The following ITSN2 variants were observed in gnomAD, a reference collection of about 807,000 sequenced individuals.
The protein encoded by ITSN2 is intersectin 2.
Under a neutral mutation model 243.7 loss-of-function variants are expected in ITSN2, and 156 were observed. That is an observed-to-expected ratio of 0.64 (90% CI 0.56 to 0.73). ITSN2 has a LOEUF of 0.73. Ranked by LOEUF, ITSN2 falls within the 30% of genes least tolerant of loss-of-function variation. ITSN2 has a pLI of 0.00. For synonymous variants in ITSN2, 703 were observed against 699.9 expected, an observed-to-expected ratio of 1.00 and a Z score of -0.07; for missense variants, 1,801 against 1,996.1, an observed-to-expected ratio of 0.90 and a Z score of 1.86.
chr2:24,310,310 C>T lies in ITSN2; in HGVS notation c.627G>A (p.Gln209=), dbSNP rs764954520. 3 of 1,613,414 alleles carry T rather than the reference C, an allele frequency of 1.9e-6. No individual in the cohort carries two copies. The highest frequency in any genetic ancestry group is 2.5e-6 in the Non-Finnish European group (3 of 1,179,664). ...GFGGASIQKA[Q]SLIDLGSSSS... The stretch of plus-strand genomic sequence containing the variant: ...TACTAGATCCTAAATCAATCAGAGA[C>T]TGCGCTTTCTGTATACTAGCACCTC... The change falls in exon 7 of 40, where the codon CAG becomes CAA. Residue 209 remains glutamine (Q), a synonymous_variant. Coordinates refer to ENST00000355123, the MANE Select transcript of ITSN2 (RefSeq NM_006277.3).
rs1052610632 is a variant in ITSN2 at position 24,303,980 on chromosome 2, T to C, written c.794-118A>G. The C allele has an allele frequency of 4.0e-6, 3 of 740,996 alleles. No individual in the cohort carries two copies. In the African/African-American group the frequency reaches 5.3e-5, roughly 13 times the overall value. The allele number at this position is 740,996 out of a possible 1,614,324, so 45.9% of individuals were successfully genotyped here. ...CAGGGTATCCTGGGAACTTTTAACA[T>C]CAAAATGTTTTTACCACGTGCTAGG... On this transcript the variant is annotated intron_variant, in intron 8 of 39. Transcript: ENST00000355123.
intron 20 of ITSN2, among the ~76,000 whole-genome samples, chr2:24,265,575 C>CT (rs1676566121): frequency 1.3e-5 from 2 of 152,114 alleles, no homozygotes; most frequent in African/African-American, 4.8e-5. Flanking sequence ...ATCTTGATGC[C>CT]TTTTACTCTA....
chr2:24,278,150 C>A (rs2151500052), intron 17 of ITSN2, among the ~76,000 whole-genome samples: 1 of 152,318 alleles, frequency 6.6e-6, no homozygotes. Context: ...AATGTCTGAT[C>A]TCAACAAGGC....
intron 25 of ITSN2, among the ~76,000 whole-genome samples, chr2:24,251,921 A>G (rs937640571): frequency 1.3e-5 from 2 of 152,204 alleles, no homozygotes; most frequent in Admixed American, 1.3e-4. Flanking sequence ...GAACTTCTGC[A>G]CTATACCATA....
Position 24,308,649 on chromosome 2 carries a change from G to A in ITSN2, c.761C>T (p.Thr254Ile), listed in dbSNP as rs752056227. 8 of 1,531,852 alleles carry A rather than the reference G, an allele frequency of 5.2e-6. No individual in the cohort carries two copies. Among genetic ancestry groups the A allele is most frequent in the African/African-American group, 2.8e-5 (2 of 72,280 alleles). 94.9% of individuals were successfully genotyped at this position (1,531,852 alleles called of 1,614,324 possible). A position where few individuals can be genotyped will look rare whatever the true frequency, so the allele number is the denominator to read the frequency against. ...TRLKYRQKFNTLDKSMSGYLS... is the reference protein window; with the variant it reads ...TRLKYRQKFNILDKSMSGYLS... ...ATATCCACTCATACTTTTGTCAAGAGTATTAAATTTTTGCCGATATTTTAA... is the reference window on the plus strand; with the variant it reads ...ATATCCACTCATACTTTTGTCAAGAATATTAAATTTTTGCCGATATTTTAA... Residue 254 changes from threonine to isoleucine, a missense_variant, in exon 8 of 40, where the codon ACT becomes ATT. Physicochemically the swap from Thr to Ile is moderately conservative, Grantham distance 89 (BLOSUM62 -1). Around this residue, in one of 5 missense-constraint regions of ITSN2, gnomAD observed 787 missense variants for 803.9 expected, o/e 0.98. Transcript: ENST00000355123.
intron 18 of ITSN2, among the ~76,000 whole-genome samples, chr2:24,274,117 CTG>C (rs1215266884): frequency 6.6e-6 from 1 of 152,176 alleles, no homozygotes; most frequent in East Asian, 1.9e-4. Flanking sequence ...ATAGAAAGTT[CTG>C]ACATAAGGAT....
intron 37 of ITSN2, among the ~76,000 whole-genome samples, chr2:24,206,475 C>T (rs1258319438): frequency 2.0e-5 from 3 of 150,892 alleles, no homozygotes; most frequent in Admixed American, 2.0e-4. Context: ...GCTGGCCTGG[C>T]ACAGCTGGAG....
chr2:24,271,411 T>C (rs960354378), intron 19 of ITSN2, among the ~76,000 whole-genome samples: 2 of 152,196 alleles, frequency 1.3e-5, no homozygotes, highest in Non-Finnish European at 2.9e-5. Context: ...GGAAATGGAC[T>C]GAGGTGTATC....
chr2:24,210,114 G>C, intron 34 of ITSN2, 81 bp from the exon 35 acceptor site: 1 of 990,864 alleles, frequency 1.0e-6, no homozygotes, highest in Non-Finnish European at 1.6e-6. Flanking sequence ...CCCTGGGCCT[G>C]AGGATACTGT....
At position 24,258,022 on chromosome 2, in the gene ITSN2, G is replaced by A; in HGVS notation, c.2754C>T (p.Asn918=). 2.5e-6 allele frequency: 4 copies of A among 1,614,056 alleles called. No homozygotes were observed. Among genetic ancestry groups the A allele is most frequent in the Non-Finnish European group, 3.4e-6 (4 of 1,179,934 alleles). Residue 918 remains asparagine (N), a synonymous_variant, in exon 23 of 40, where the codon AAC becomes AAT. Transcript: ENST00000355123. ...CAGTAATAATGTCATGTTTTGAGAA[G>A]TTCAAGTGGTTATCTTTCTTTGCAG... ...SWTAKKDNHL[N]FSKHDIITVL...
chr2:24,227,700 C>T (rs1485517120), intron 29 of ITSN2, among the ~76,000 whole-genome samples: 1 of 152,000 alleles, frequency 6.6e-6, no homozygotes, highest in Non-Finnish European at 1.5e-5. Flanking sequence ...GCGGGTGGAT[C>T]ACCTGAGGTC....
intron 10 of ITSN2, among the ~76,000 whole-genome samples, chr2:24,301,659 A>G (rs192214171): frequency 1.3e-5 from 2 of 151,682 alleles, no homozygotes; most frequent in African/African-American, 4.8e-5. Context: ...CAGAGTACCT[A>G]GGACTACAGG....
intron 29 of ITSN2, among the ~76,000 whole-genome samples, chr2:24,236,000 T>C (rs1445353325): frequency 1.3e-5 from 2 of 152,232 alleles, no homozygotes; most frequent in East Asian, 1.9e-4. Flanking sequence ...CTCCTAGATA[T>C]ATATCCAAAA....
At chr2:24,349,778 C>T (rs1471007530) in intron 1 of ITSN2, among the ~76,000 whole-genome samples, 6 of 152,158 alleles carry the variant, frequency 3.9e-5, no homozygotes, top group Non-Finnish European at 8.8e-5. Context: ...GCAAAAATAA[C>T]TCCCTAAGGA....
At chr2:24,302,597 AATGTAAGT>A (rs1246194297) in intron 9 of ITSN2, among the ~76,000 whole-genome samples, 1 of 152,196 alleles carries the variant, frequency 6.6e-6, no homozygotes. Flanking sequence ...CTCACTATTG[AATGTAAGT>A]ATGTAAGTAT....
In ITSN2 at chr2:24,216,222, C is replaced by T. The variant is rs751456833; in HGVS notation, c.3817G>A (p.Val1273Met). ...TTCTCGCCCCCGGTCTTCTTCCGCA[C>T]CCGCAAAGCCCTGCCAAGAACACAC... ...SNTKLLKALRVRKKTGGEKMP... is the reference protein window; with the variant it reads ...SNTKLLKALRMRKKTGGEKMP... The change falls in exon 32 of 40, where the codon GTG becomes ATG. Residue 1273 changes from valine (V) to methionine (M), a missense_variant. Transcript: ENST00000355123. The T allele has an allele frequency of 1.9e-6, 3 of 1,598,256 alleles. No homozygotes were observed. Among genetic ancestry groups the T allele is most frequent in the South Asian group, 1.1e-5 (1 of 88,670 alleles).
Position 24,316,587 on chromosome 2 carries a change from T to A in ITSN2, c.32-1363A>T, listed in dbSNP as rs543531834. 1.5e-3 allele frequency among the ~76,000 whole-genome samples: 226 copies of A among 152,324 alleles called. 1 individual carries two copies. The highest frequency in any genetic ancestry group is 5.1e-3 in the African/African-American group (213 of 41,580). ...TAAGCCACCACGCCCAGACAGTTTTTAAATAAGCTTTTAATTTGGAATAAT... is the reference window on the plus strand; with the variant it reads ...TAAGCCACCACGCCCAGACAGTTTTAAAATAAGCTTTTAATTTGGAATAAT... On this transcript the variant is annotated intron_variant, in intron 2 of 39. Coordinates refer to ENST00000355123, the MANE Select transcript of ITSN2 (RefSeq NM_006277.3).
At chr2:24,327,270 A>G (rs1421283709) in intron 2 of ITSN2, among the ~76,000 whole-genome samples, 3 of 151,988 alleles carry the variant, frequency 2.0e-5, no homozygotes, top group African/African-American at 4.8e-5. Context: ...TTCATTATTC[A>G]AATTACCTAA....
chr2:24,219,061 A>G (rs541551941), intron 30 of ITSN2, among the ~76,000 whole-genome samples: 29 of 152,042 alleles, frequency 1.9e-4, no homozygotes, highest in African/African-American at 7.0e-4. Flanking sequence ...TAGGCCCCTG[A>G]CTCCCTCCAT....
Sources: allele counts gnomAD v4.1 joint callset (sites outside exome capture counted in the v4.1 genomes callset), GRCh38; gene constraint gnomAD v4.1.1; regional missense constraint gnomAD v4.1.1; transcripts MANE v1.5; gene names NCBI Gene and HGNC (gene_info 2026-07-23, HGNC 2026-07-21).